Variants in PTPRA observed in about 807,000 individuals in gnomAD.
The protein encoded by PTPRA is receptor-type tyrosine-protein phosphatase alpha.
PTPRA carries 25 observed loss-of-function variants against 104.8 expected under a neutral mutation model. That is an observed-to-expected ratio of 0.24 (90% CI 0.17 to 0.33). The LOEUF is 0.33. Ranked by LOEUF, PTPRA falls within the 10% of genes least tolerant of loss-of-function variation. The probability of loss-of-function intolerance (pLI) is 1.00; values close to 1 mark genes in which losing one functional copy is unlikely to be tolerated. For synonymous variants in PTPRA, 323 were observed against 368.9 expected (o/e 0.88, Z 1.43); for missense variants, 765 against 1,015.3 (o/e 0.75, Z 3.35).
chr20:2,916,412 A>G (rs890178693), intron 1 of PTPRA, among the ~76,000 whole-genome samples: 13 of 152,324 alleles, frequency 8.5e-5, no homozygotes, highest in Admixed American at 7.8e-4. Flanking sequence ...CAGTTGTCCC[A>G]GTGCCATTTG....
At chr20:2,867,782 G>A in the PTPRA span, among the ~76,000 whole-genome samples, 1 of 152,274 alleles carries the variant, frequency 6.6e-6, no homozygotes, top group East Asian at 1.9e-4. Flanking sequence ...ACACCCCTAG[G>A]GCCGACCATG....
the PTPRA span, chr20:2,864,477 C>T: frequency 6.2e-7 from 1 of 1,614,088 alleles, no homozygotes; most frequent in Admixed American, 1.7e-5. This position sits in a 1 kb window ranked among gnomAD's most constrained non-coding sequence, Gnocchi z 5.2. Flanking sequence ...GTGTAGTGGG[C>T]AGGGTTGTGG....
chr20:3,035,673 G>A lies in PTPRA; in HGVS notation c.2009G>A (p.Ser670Asn). The stretch of plus-strand genomic sequence containing the variant: ...CTGAAGAAGGAGGAGGAATGTGAGA[G>A]CTACACCGTCCGAGACCTCCTGGTC... ...VELKKEEECE[S>N]YTVRDLLVTN... Residue 670 changes from serine to asparagine, a missense_variant, in exon 21 of 24, where the codon AGC becomes AAC. By Grantham distance (46) the Ser-to-Asn change is conservative (BLOSUM62 1). Coordinates refer to ENST00000399903, the MANE Select transcript of PTPRA (RefSeq NM_001385305.1). The surrounding 1 kb of genome is among the most constrained non-coding windows in gnomAD (Gnocchi z 5.8). The A allele has an allele frequency of 1.9e-6, 3 of 1,614,172 alleles. No individual in the cohort carries two copies. Among genetic ancestry groups the A allele is most frequent in the South Asian group, 1.1e-5 (1 of 91,086 alleles).
chr20:2,915,295 A>G (rs1003420116), intron 1 of PTPRA, among the ~76,000 whole-genome samples: 2 of 152,190 alleles, frequency 1.3e-5, no homozygotes, highest in African/African-American at 4.8e-5. Flanking sequence ...CATTGTATGT[A>G]TAATACCACA....
chr20:2,960,374 C>T (rs1394548864), intron 3 of PTPRA, among the ~76,000 whole-genome samples: 2 of 151,484 alleles, frequency 1.3e-5, no homozygotes, highest in East Asian at 3.9e-4. Flanking sequence ...CTCAGCCTCC[C>T]GAGTAGCTGG....
chr20:2,963,774 C>T (rs2061846024), intron 3 of PTPRA, among the ~76,000 whole-genome samples: 1 of 152,106 alleles, frequency 6.6e-6, no homozygotes, highest in Admixed American at 6.6e-5. Flanking sequence ...TGTGGGAGCT[C>T]ACACCTGTAA....
At chr20:3,029,574 T>C (rs1013736392) in intron 20 of PTPRA, among the ~76,000 whole-genome samples, 5 of 116,110 alleles carry the variant, frequency 4.3e-5, no homozygotes, top group African/African-American at 6.5e-5. Flanking sequence ...GGAGTCTCTG[T>C]CACCCAGGCT....
Position 3,035,380 on chromosome 20 carries a change from C to T in PTPRA, c.1921-205C>T, listed in dbSNP as rs775838967. On this transcript the variant is annotated intron_variant, in intron 20 of 23. Transcript: ENST00000399903. The surrounding 1 kb of genome is among the most constrained non-coding windows in gnomAD (Gnocchi z 5.8). Reference sequence around the variant, plus strand: ...AGTCAGAGTCCTTTACAGACCCCGGCAGTGTTTTAGATGGTCTCTGGTGAG... The same window carrying T: ...AGTCAGAGTCCTTTACAGACCCCGGTAGTGTTTTAGATGGTCTCTGGTGAG... 5.3e-5 allele frequency among the ~76,000 whole-genome samples: 8 copies of T among 152,144 alleles called. No individual in the cohort carries two copies. Among genetic ancestry groups the T allele is most frequent in the Non-Finnish European group, 1.0e-4 (7 of 68,018 alleles).
chr20:2,888,388 T>C (rs1883140732), intron 1 of PTPRA, among the ~76,000 whole-genome samples: 1 of 151,942 alleles, frequency 6.6e-6, no homozygotes, highest in Non-Finnish European at 1.5e-5. Context: ...AGTGAGACCC[T>C]GCTTCTACAG....
intron 1 of PTPRA, among the ~76,000 whole-genome samples, chr20:2,922,593 C>T (rs1479495718): frequency 6.6e-6 from 1 of 152,050 alleles, no homozygotes; most frequent in East Asian, 1.9e-4. Flanking sequence ...CCGCCTGCCT[C>T]GGCCTCCCAA....
At chr20:2,986,185 G>A (rs1283411557) in intron 6 of PTPRA, among the ~76,000 whole-genome samples, 4 of 152,152 alleles carry the variant, frequency 2.6e-5, no homozygotes, top group African/African-American at 9.7e-5. Flanking sequence ...AGGATTACAG[G>A]CATGAGCCAT....
chr20:2,967,485 C>T (rs2061987494), intron 5 of PTPRA, among the ~76,000 whole-genome samples: 1 of 152,140 alleles, frequency 6.6e-6, no homozygotes, highest in South Asian at 2.1e-4. Context: ...CATTGCTGAG[C>T]TATAAGTATA....
intron 1 of PTPRA, among the ~76,000 whole-genome samples, chr20:2,891,200 C>T (rs532558845): frequency 1.3e-5 from 2 of 152,324 alleles, no homozygotes; most frequent in African/African-American, 4.8e-5. Context: ...ATTCAGGCTG[C>T]TTCTCACCTA....
intron 1 of PTPRA, among the ~76,000 whole-genome samples, chr20:2,879,027 G>A (rs1375703382): frequency 2.6e-5 from 4 of 152,188 alleles, no homozygotes; most frequent in South Asian, 2.1e-4. Flanking sequence ...GCATTGTGCC[G>A]GAAGCTGGGG....
chr20:3,006,810 T>C (rs1296122498), intron 10 of PTPRA, among the ~76,000 whole-genome samples: 2 of 152,154 alleles, frequency 1.3e-5, no homozygotes, highest in African/African-American at 4.8e-5. Context: ...TTTGTATTTT[T>C]AGTAGAGACG....
At chr20:3,016,097 T>G (rs921248658) in intron 12 of PTPRA, among the ~76,000 whole-genome samples, 3 of 152,226 alleles carry the variant, frequency 2.0e-5, no homozygotes, top group African/African-American at 7.2e-5. Flanking sequence ...AAAAGAAGTC[T>G]TTTTGTGTAT....
intron 12 of PTPRA, among the ~76,000 whole-genome samples, chr20:3,017,140 A>G (rs1248819108): frequency 1.3e-5 from 2 of 152,126 alleles, no homozygotes; most frequent in East Asian, 3.9e-4. Context: ...ATCTTCTCTC[A>G]GTACCTTTAG....
intron 2 of PTPRA, among the ~76,000 whole-genome samples, chr20:2,946,383 T>C (rs2061131346): frequency 6.6e-6 from 1 of 152,140 alleles, no homozygotes. Context: ...AGTTACCTAA[T>C]TCTTCATTCA....
intron 1 of PTPRA, among the ~76,000 whole-genome samples, chr20:2,874,665 G>A (rs2089597943): frequency 6.6e-6 from 1 of 152,148 alleles, no homozygotes; most frequent in Non-Finnish European, 1.5e-5. Context: ...CTAGGAAAGG[G>A]CGAACATCTT....
Sources: allele counts gnomAD v4.1 joint callset (sites outside exome capture counted in the v4.1 genomes callset), GRCh38; gene constraint gnomAD v4.1.1; non-coding constraint Gnocchi (gnomAD v3.1); transcripts MANE v1.5; gene names NCBI Gene and HGNC (gene_info 2026-07-23, HGNC 2026-07-21).